The following SOBP variants were observed in gnomAD, a reference collection of about 807,000 sequenced individuals.
SOBP encodes the protein sine oculis binding protein homolog, also known as sine oculis-binding protein homolog.
A neutral mutation model predicts 53.6 loss-of-function variants in SOBP; 4 were observed. That is an observed-to-expected ratio of 0.07 (90% CI 0.04 to 0.17). SOBP has a LOEUF of 0.17. Ranked by LOEUF, SOBP falls within the 10% of genes least tolerant of loss-of-function variation. The pLI, the probability that SOBP is intolerant of heterozygous loss-of-function variation, is 1.00. For missense variants in SOBP, 1,088 were observed against 1,204.7 expected (o/e 0.90, Z 1.43); for synonymous variants, 584 against 522.6 (o/e 1.12, Z -1.60).
At chr6:107,527,536 C>G (rs969793973) in intron 3 of SOBP, among the ~76,000 whole-genome samples, 17 of 152,174 alleles carry the variant, frequency 1.1e-4, no homozygotes, top group Non-Finnish European at 1.5e-4. Context: ...TCTTGTGGTT[C>G]TAATTGCCAC....
chr6:107,638,554 A>G (rs1000864069), intron 6 of SOBP, among the ~76,000 whole-genome samples: 3 of 152,098 alleles, frequency 2.0e-5, no homozygotes, highest in Admixed American at 6.5e-5. Context: ...TTTTTCTTCT[A>G]TGCCTTCAGA....
rs1011174600 is a variant in SOBP, at chr6:107,634,097, A to G, written c.1253A>G (p.His418Arg). The change falls in exon 6 of 7, where the codon CAT becomes CGT. Residue 418 changes from histidine to arginine, a missense_variant. His to Arg is a conservative substitution (Grantham distance 29). Transcript: ENST00000317357. The surrounding 1 kb of genome is among the most constrained non-coding windows in gnomAD (Gnocchi z 4.5). ...CCCTTCATCCGCGGGCCTCCGCACCATGCCTCCAACCCCAACAGCCCCCTG... is the reference window on the plus strand; with the variant it reads ...CCCTTCATCCGCGGGCCTCCGCACCGTGCCTCCAACCCCAACAGCCCCCTG... ...RPPFIRGPPH[H>R]ASNPNSPLSN... The G allele has an allele frequency of 1.2e-6, 2 of 1,600,676 alleles. No individual in the cohort carries two copies. The highest frequency in any genetic ancestry group is 2.7e-5 in the African/African-American group (2 of 74,552).
At chr6:107,599,467 A>G (rs1786071225) in intron 5 of SOBP, among the ~76,000 whole-genome samples, 1 of 152,210 alleles carries the variant, frequency 6.6e-6, no homozygotes. Context: ...CACTTTGCAC[A>G]TGTATAGGAC....
At chr6:107,566,390 A>AG (rs1211750110) in intron 4 of SOBP, among the ~76,000 whole-genome samples, 1 of 152,208 alleles carries the variant, frequency 6.6e-6, no homozygotes. Flanking sequence ...CCTCTCCCCA[A>AG]GGGGGAGAAA....
In SOBP at chr6:107,649,183, A is replaced by C. The variant is rs549370039; in HGVS notation, c.*4-9024A>C. Among the ~76,000 whole-genome samples, 22 of 150,626 alleles carry C rather than the reference A, an allele frequency of 1.5e-4. No individual in the cohort carries two copies. The South Asian group carries it at 4.7e-3, about 32-fold the overall frequency. On this transcript the variant is annotated intron_variant, in intron 6 of 6. Transcript: ENST00000317357. ...ACTACCAAAAAAAAAAAAAAAAAAA[A>C]AAAAAAACCATCAGGAGCCATGGCT...
intron 3 of SOBP, among the ~76,000 whole-genome samples, 152 bp from the exon 4 acceptor site, chr6:107,533,303 GAGAA>G (rs766055747): frequency 3.1e-4 from 45 of 145,328 alleles, no homozygotes; most frequent in Non-Finnish European, 5.4e-4. Flanking sequence ...AAAAGAGAGA[GAGAA>G]AGAGAGAGAG....
chr6:107,581,360 A>C (rs79334484), intron 4 of SOBP, among the ~76,000 whole-genome samples: 10,988 of 152,230 alleles, frequency 0.072, 581 homozygotes, highest in East Asian at 0.18. Context: ...AGTGAAGGAC[A>C]GGAGACCCAG....
At chr6:107,540,991 T>G (rs763829630) in intron 4 of SOBP, among the ~76,000 whole-genome samples, 3 of 152,236 alleles carry the variant, frequency 2.0e-5, no homozygotes, top group Non-Finnish European at 4.4e-5. Context: ...GAATTATATT[T>G]GTTCTAACAG....
At chr6:107,586,411 G>A (rs935002099) in intron 4 of SOBP, among the ~76,000 whole-genome samples, 1 of 152,200 alleles carries the variant, frequency 6.6e-6, no homozygotes, top group African/African-American at 2.4e-5. Context: ...TATGCAAGCG[G>A]TATTGCTAAT....
At chr6:107,606,216 A>G (rs1786373291) in intron 5 of SOBP, among the ~76,000 whole-genome samples, 2 of 151,770 alleles carry the variant, frequency 1.3e-5, no homozygotes, top group Admixed American at 1.3e-4. Flanking sequence ...AGCTGGGATT[A>G]CAGGCACACA....
intron 4 of SOBP, among the ~76,000 whole-genome samples, chr6:107,573,022 G>A (rs901526450): frequency 2.6e-5 from 4 of 152,196 alleles, no homozygotes; most frequent in Admixed American, 6.5e-5. Flanking sequence ...TGTTGACCGA[G>A]ATGCTGCTCA....
At chr6:107,589,942 T>C (rs1785691070) in intron 5 of SOBP, among the ~76,000 whole-genome samples, 1 of 152,208 alleles carries the variant, frequency 6.6e-6, no homozygotes, top group Non-Finnish European at 1.5e-5. Context: ...AGGAAATTTC[T>C]ATCATGTTAA....
intron 5 of SOBP, among the ~76,000 whole-genome samples, chr6:107,626,408 T>C (rs998417174): frequency 5.3e-5 from 8 of 152,234 alleles, no homozygotes; most frequent in Non-Finnish European, 8.8e-5. Context: ...GCAGTACTTA[T>C]TTCTGAATGA....
At chr6:107,537,575 C>T (rs1458498578) in intron 4 of SOBP, among the ~76,000 whole-genome samples, 1 of 152,142 alleles carries the variant, frequency 6.6e-6, no homozygotes, top group Admixed American at 6.5e-5. Flanking sequence ...AATCCCAGCA[C>T]TTTGGGAGGT....
chr6:107,521,238 A>G (rs1783476363), intron 3 of SOBP, among the ~76,000 whole-genome samples: 1 of 149,890 alleles, frequency 6.7e-6, no homozygotes, highest in African/African-American at 2.5e-5. Context: ...GCAGCTCTCA[A>G]GTAGACCACA....
intron 5 of SOBP, among the ~76,000 whole-genome samples, chr6:107,597,491 G>A (rs967009710): frequency 3.3e-5 from 5 of 152,178 alleles, no homozygotes; most frequent in African/African-American, 1.2e-4. Context: ...ATGTAGAAAT[G>A]TGGGTATTTA....
Position 107,569,455 on chromosome 6 carries a change from G to T in SOBP, c.574-17625G>T, listed in dbSNP as rs577431249. Among the ~76,000 whole-genome samples, 4 of 152,324 alleles carry T rather than the reference G, an allele frequency of 2.6e-5. No individual in the cohort carries two copies. The East Asian group carries it at 5.8e-4, about 22-fold the overall frequency. ...TTGGACCTGAAACCACAGGATAAAG[G>T]GGGGTGAAATAAAGGCTGGCTGAGA... On this transcript the variant is annotated intron_variant, in intron 4 of 6. Transcript: ENST00000317357.
intron 3 of SOBP, among the ~76,000 whole-genome samples, chr6:107,531,301 A>T (rs1783818074): frequency 6.6e-6 from 1 of 152,202 alleles, no homozygotes; most frequent in Admixed American, 6.6e-5. Context: ...TTTTTTCCTT[A>T]CAGATTTCAC....
At chr6:107,495,550 C>T (rs1359265703) in intron 1 of SOBP, among the ~76,000 whole-genome samples, 1 of 152,160 alleles carries the variant, frequency 6.6e-6, no homozygotes, top group African/African-American at 2.4e-5. Flanking sequence ...ATGAGTCTGA[C>T]AGACTCATTC....
Sources: gnomAD v4.1 joint callset for allele counts (sites outside exome capture counted in the v4.1 genomes callset) on GRCh38, gnomAD v4.1.1 for gene constraint, Gnocchi (gnomAD v3.1) non-coding constraint, MANE v1.5 for transcripts, NCBI Gene and HGNC (gene_info 2026-07-23, HGNC 2026-07-21) for gene names.